Variants in PARD3 observed in about 807,000 individuals in gnomAD.
PARD3 encodes the protein partitioning defective 3 homolog.
Under a neutral mutation model 155.4 loss-of-function variants are expected in PARD3, and 75 were observed. The observed-to-expected ratio is 0.48, with a 90% CI of 0.40 to 0.58. The LOEUF (loss-of-function observed/expected upper bound fraction) is 0.58, where lower values mean the gene tolerates loss of function less well. PARD3 is among the 20% of genes least tolerant of loss of function. The pLI, the probability that PARD3 is intolerant of heterozygous loss-of-function variation, is 0.00. For missense variants in PARD3, 1,642 were observed against 1,721.7 expected, an observed-to-expected ratio of 0.95 and a Z score of 0.82; for synonymous variants, 576 against 610.5, an observed-to-expected ratio of 0.94 and a Z score of 0.83.
intron 5 of PARD3, among the ~76,000 whole-genome samples, chr10:34,445,318 A>T (rs1464160599): frequency 1.3e-5 from 2 of 152,196 alleles, no homozygotes; most frequent in Non-Finnish European, 2.9e-5. Context: ...TTCTGAAAAA[A>T]TTTGAGAGGG....
chr10:34,432,337 T>TACACACACACATACAC (rs1554855750), intron 5 of PARD3, among the ~76,000 whole-genome samples: 1 of 143,456 alleles, frequency 7.0e-6, no homozygotes, highest in African/African-American at 2.6e-5. Context: ...CACGTGCACA[T>TACACACACACATACAC]ACACACACAC....
chr10:34,314,215 G>A (rs11009729), intron 20 of PARD3, among the ~76,000 whole-genome samples: 57 of 147,940 alleles, frequency 3.9e-4, no homozygotes, highest in African/African-American at 1.0e-3. Flanking sequence ...AGAAGGAAAC[G>A]TAAAAGAATC....
At chr10:34,337,707 T>C (rs7894935) in intron 16 of PARD3, among the ~76,000 whole-genome samples, 7,033 of 152,274 alleles carry the variant, frequency 0.046, 501 homozygotes, top group African/African-American at 0.16. Flanking sequence ...TATTTGACAA[T>C]ACAGAATTAT....
intron 6 of PARD3, among the ~76,000 whole-genome samples, chr10:34,400,589 A>G (rs1009424004): frequency 1.3e-5 from 2 of 152,194 alleles, no homozygotes; most frequent in African/African-American, 4.8e-5. Context: ...ATTATTACCA[A>G]TGAATTTCAC....
At chr10:34,356,724 A>C (rs1432590597) in intron 14 of PARD3, among the ~76,000 whole-genome samples, 2 of 152,226 alleles carry the variant, frequency 1.3e-5, no homozygotes, top group African/African-American at 4.8e-5. Context: ...TTCCTAAGGT[A>C]ATGCATAAGT....
chr10:34,470,341 T>C lies in PARD3; in HGVS notation c.404-78A>G. On this transcript the variant is annotated intron_variant, in intron 3 of 24. Coordinates refer to ENST00000374788, the MANE Select transcript of PARD3 (RefSeq NM_001184785.2). Reference sequence around the variant, plus strand: ...TACATGTTAGGAGAACGTAGGGAAATCCTAAAGATTAAGGAACAGAATTAC... The same window carrying C: ...TACATGTTAGGAGAACGTAGGGAAACCCTAAAGATTAAGGAACAGAATTAC... 4 of 1,094,948 alleles carry C rather than the reference T, an allele frequency of 3.7e-6. No individual in the cohort carries two copies. The South Asian group carries it at 5.9e-5, about 16-fold the overall frequency. 67.8% of individuals were successfully genotyped at this position (1,094,948 alleles called of 1,614,324 possible). A position where few individuals can be genotyped will look rare whatever the true frequency, so the allele number is the denominator to read the frequency against.
chr10:34,674,040 A>G (rs1428328836), intron 2 of PARD3, among the ~76,000 whole-genome samples: 1 of 151,780 alleles, frequency 6.6e-6, no homozygotes, highest in Non-Finnish European at 1.5e-5. Flanking sequence ...CTTGTTACAT[A>G]TTCTTAGCAA....
chr10:34,290,572 G>A (rs1956629682), intron 20 of PARD3, among the ~76,000 whole-genome samples: 1 of 152,168 alleles, frequency 6.6e-6, no homozygotes. Context: ...CTCTGCAAAT[G>A]CCCAACTCCT....
At chr10:34,699,262 T>C (rs1041019077) in intron 1 of PARD3, among the ~76,000 whole-genome samples, 3 of 152,262 alleles carry the variant, frequency 2.0e-5, no homozygotes, top group Admixed American at 6.5e-5. Flanking sequence ...TGAATGGATA[T>C]GACGTTTTGA....
intron 4 of PARD3, among the ~76,000 whole-genome samples, chr10:34,451,458 G>A (rs1190871292): frequency 2.0e-5 from 3 of 152,096 alleles, no homozygotes; most frequent in Non-Finnish European, 4.4e-5. Context: ...CTCTTCATGT[G>A]CTAAACTATA....
intron 22 of PARD3, among the ~76,000 whole-genome samples, chr10:34,253,931 CGTGGGA>C (rs1226526670): frequency 3.9e-5 from 6 of 151,952 alleles, no homozygotes; most frequent in Admixed American, 3.9e-4. Flanking sequence ...GACTTGGAAG[CGTGGGA>C]GTGGGAGGGG....
At chr10:34,581,218 T>A (rs1391911719) in intron 2 of PARD3, among the ~76,000 whole-genome samples, 3 of 137,414 alleles carry the variant, frequency 2.2e-5, no homozygotes, top group Non-Finnish European at 4.6e-5. Context: ...ATTTTGGTTA[T>A]TTTTCTTTTT....
chr10:34,420,870 T>A lies in PARD3; in HGVS notation c.715-18953A>T, dbSNP rs767952345. On this transcript the variant is annotated intron_variant, in intron 5 of 24. Transcript: ENST00000374788. ...CAGAACAAAATTTAATAATCTTCAATCTGTAATTTTAAACTGCAAAACAGG... is the reference window on the plus strand; with the variant it reads ...CAGAACAAAATTTAATAATCTTCAAACTGTAATTTTAAACTGCAAAACAGG... 5.1e-4 allele frequency among the ~76,000 whole-genome samples: 77 copies of A among 152,216 alleles called. 1 individual carries two copies. The highest frequency in any genetic ancestry group is 5.3e-4 in the Non-Finnish European group (36 of 68,046).
intron 1 of PARD3, among the ~76,000 whole-genome samples, chr10:34,807,146 C>T (rs1013314768): frequency 6.6e-6 from 1 of 152,178 alleles, no homozygotes; most frequent in Non-Finnish European, 1.5e-5. Flanking sequence ...GACCTGGAGG[C>T]TCAGCAGCCA....
intron 2 of PARD3, among the ~76,000 whole-genome samples, chr10:34,539,372 A>G (rs1184240759): frequency 2.6e-5 from 4 of 152,218 alleles, no homozygotes; most frequent in Non-Finnish European, 5.9e-5. Flanking sequence ...GCAGAGTAAT[A>G]AATAAGTAAA....
At chr10:34,370,460 G>A (rs1840471123) in intron 12 of PARD3, among the ~76,000 whole-genome samples, 1 of 151,966 alleles carries the variant, frequency 6.6e-6, no homozygotes, top group South Asian at 2.1e-4. Context: ...TTAACTTTTT[G>A]GTAGAGATGA....
intron 3 of PARD3, among the ~76,000 whole-genome samples, chr10:34,500,832 T>C (rs952548026): frequency 6.6e-6 from 1 of 152,160 alleles, no homozygotes. Flanking sequence ...AAATAAGTCA[T>C]ACAGAAGGAA....
intron 5 of PARD3, among the ~76,000 whole-genome samples, chr10:34,409,462 G>A (rs1844828685): frequency 6.6e-6 from 1 of 152,188 alleles, no homozygotes; most frequent in Admixed American, 6.5e-5. Context: ...CACACAGGAA[G>A]ATTTACATAT....
At chr10:34,273,890 A>G (rs969698549) in intron 21 of PARD3, among the ~76,000 whole-genome samples, 1 of 152,100 alleles carries the variant, frequency 6.6e-6, no homozygotes, top group Non-Finnish European at 1.5e-5. Flanking sequence ...TCCCAGCTAT[A>G]AAAAGTACAT....
Sources: gnomAD v4.1 joint callset for allele counts (sites outside exome capture counted in the v4.1 genomes callset) on GRCh38, gnomAD v4.1.1 for gene constraint, MANE v1.5 for transcripts, NCBI Gene and HGNC (gene_info 2026-07-23, HGNC 2026-07-21) for gene names.